The following CNTN5 variants were observed in gnomAD, a reference collection of about 807,000 sequenced individuals.
CNTN5 encodes the protein contactin-5.
A neutral mutation model predicts 129.1 loss-of-function variants in CNTN5; 77 were observed. The ratio of observed to expected loss-of-function variants is 0.60; its 90% CI spans 0.50 to 0.72. CNTN5 has a LOEUF of 0.72. Among genes scored for constraint, CNTN5 ranks in the 30% least tolerant of loss-of-function variants. CNTN5 has a pLI of 0.00. For synonymous variants in CNTN5, 509 were observed against 465.6 expected, an observed-to-expected ratio of 1.09 and a Z score of -1.20; for missense variants, 1,478 against 1,328.8, an observed-to-expected ratio of 1.11 and a Z score of -1.75.
At chr11:99,502,760 A>G (rs1946474332) in intron 2 of CNTN5, among the ~76,000 whole-genome samples, 1 of 152,158 alleles carries the variant, frequency 6.6e-6, no homozygotes, top group Non-Finnish European at 1.5e-5. Flanking sequence ...CTTCTAAACC[A>G]TACACCCTCC....
At chr11:99,409,752 A>G (rs115675246) in intron 2 of CNTN5, among the ~76,000 whole-genome samples, 1 of 152,332 alleles carries the variant, frequency 6.6e-6, no homozygotes, top group African/African-American at 2.4e-5. Context: ...GCAGCCATCA[A>G]GTGTGGGTTG....
intron 3 of CNTN5, among the ~76,000 whole-genome samples, chr11:99,779,505 G>A (rs1374710946): frequency 6.6e-6 from 1 of 151,904 alleles, no homozygotes; most frequent in East Asian, 2.0e-4. Flanking sequence ...CAGAAGACTG[G>A]TAAATTTCCA....
intron 18 of CNTN5, among the ~76,000 whole-genome samples, chr11:100,288,160 G>C (rs1466949332): frequency 6.6e-6 from 1 of 152,100 alleles, no homozygotes; most frequent in Non-Finnish European, 1.5e-5. Flanking sequence ...TTAATAATGG[G>C]AGACTTTAAC....
intron 8 of CNTN5, among the ~76,000 whole-genome samples, chr11:99,989,386 T>C (rs1263588996): frequency 6.6e-6 from 1 of 152,168 alleles, no homozygotes; most frequent in Non-Finnish European, 1.5e-5. Flanking sequence ...ATTTGTTGAA[T>C]ATTTGATTTG....
Position 99,718,345 on chromosome 11 carries a change from T to A in CNTN5, c.56-101199T>A, listed in dbSNP as rs577117930. Among the ~76,000 whole-genome samples, 34 of 152,264 alleles carry A rather than the reference T, an allele frequency of 2.2e-4. 1 individual carries two copies. Among genetic ancestry groups the A allele is most frequent in the Admixed American group, 1.8e-3 (28 of 15,292 alleles). On this transcript the variant is annotated intron_variant, in intron 3 of 24. Transcript: ENST00000524871. Reference sequence around the variant, plus strand: ...TGACTAACTTGTTCATAATATATATTGTTATCCTACAAATTTGTCTTAGCA... The same window carrying A: ...TGACTAACTTGTTCATAATATATATAGTTATCCTACAAATTTGTCTTAGCA...
chr11:99,657,015 C>A (rs768090772), intron 3 of CNTN5, among the ~76,000 whole-genome samples: 20 of 147,442 alleles, frequency 1.4e-4, no homozygotes, highest in South Asian at 4.3e-4. Flanking sequence ...GAAAAAATGT[C>A]AAAGTTCAAA....
intron 3 of CNTN5, among the ~76,000 whole-genome samples, chr11:99,735,003 G>A (rs563993803): frequency 3.6e-5 from 5 of 140,162 alleles, no homozygotes; most frequent in African/African-American, 8.3e-5. Flanking sequence ...GCGAGACTCC[G>A]TCTCAAAACA....
At chr11:99,547,215 G>C (rs1948328059) in intron 2 of CNTN5, among the ~76,000 whole-genome samples, 1 of 152,014 alleles carries the variant, frequency 6.6e-6, no homozygotes, top group African/African-American at 2.4e-5. Context: ...ATGTCGGTCA[G>C]GCTAGTCCCG....
chr11:99,993,511 T>G (rs1204917309), intron 8 of CNTN5, among the ~76,000 whole-genome samples: 1 of 152,172 alleles, frequency 6.6e-6, no homozygotes, highest in Non-Finnish European at 1.5e-5. Context: ...ATGAAACTTT[T>G]CCACCTCAGA....
chr11:100,333,772 C>T (rs1951963146), intron 21 of CNTN5, among the ~76,000 whole-genome samples: 1 of 152,072 alleles, frequency 6.6e-6, no homozygotes, highest in Non-Finnish European at 1.5e-5. Context: ...TCACCTTATA[C>T]AAAAATCAAC....
Position 99,933,270 on chromosome 11 carries a change from A to C in CNTN5, c.673+17121A>C, listed in dbSNP as rs1438569782. Among the ~76,000 whole-genome samples, 6 of 152,210 alleles carry C rather than the reference A, an allele frequency of 3.9e-5. No homozygotes were observed. In the East Asian group the frequency reaches 1.2e-3, roughly 29 times the overall value. ...ATTTCAATTAATGTTCTCAGTTGGC[A>C]AATTAATATTTGAGTCAACCCTTTT... is the stretch of plus-strand genomic sequence containing the variant. On this transcript the variant is annotated intron_variant, in intron 7 of 24. Coordinates refer to ENST00000524871, the MANE Select transcript of CNTN5 (RefSeq NM_014361.4).
At chr11:99,826,143 GACTTTGGCTTTTTTTTGCA>G (rs1464077173) in intron 4 of CNTN5, among the ~76,000 whole-genome samples, 1 of 151,858 alleles carries the variant, frequency 6.6e-6, no homozygotes, top group Non-Finnish European at 1.5e-5. Flanking sequence ...TCCTATTATT[GACTTTGGCTTTTTTTTGCA>G]ATATAGAATT....
At chr11:100,277,312 T>C (rs958678056) in intron 18 of CNTN5, among the ~76,000 whole-genome samples, 1 of 152,174 alleles carries the variant, frequency 6.6e-6, no homozygotes, top group African/African-American at 2.4e-5. Context: ...TTCAATAAAC[T>C]AATTTCCTTT....
intron 1 of CNTN5, among the ~76,000 whole-genome samples, chr11:99,043,086 G>A (rs1362936564): frequency 2.0e-5 from 3 of 152,060 alleles, no homozygotes; most frequent in African/African-American, 4.8e-5. Context: ...GTAAATATTA[G>A]GAAAGGAGTT....
chr11:99,403,067 C>T (rs1266606000), intron 2 of CNTN5, among the ~76,000 whole-genome samples: 9 of 146,946 alleles, frequency 6.1e-5, no homozygotes, highest in East Asian at 4.0e-4. Context: ...AGTGCAGTGG[C>T]GGGATTCCAG....
chr11:99,128,128 G>C lies in CNTN5; in HGVS notation c.-210+106858G>C, dbSNP rs112682372. On this transcript the variant is annotated intron_variant, in intron 1 of 24. Coordinates refer to ENST00000524871, the MANE Select transcript of CNTN5 (RefSeq NM_014361.4). The stretch of plus-strand genomic sequence containing the variant: ...ATGGAAAAGGGACTGAAGCCAGAGA[G>C]CCAAACATCCTCACTCAGAGGGTCC... 8.6e-3 allele frequency among the ~76,000 whole-genome samples: 1,308 copies of C among 152,250 alleles called. 24 individuals carry two copies. Among genetic ancestry groups the C allele is most frequent in the African/African-American group, 0.029 (1,213 of 41,542 alleles).
chr11:99,194,506 A>G (rs942070565), intron 1 of CNTN5, among the ~76,000 whole-genome samples: 2 of 152,210 alleles, frequency 1.3e-5, no homozygotes, highest in Non-Finnish European at 2.9e-5. Flanking sequence ...TAATATAATA[A>G]TTTGATTATG....
At chr11:100,151,362 A>C (rs886223071) in intron 13 of CNTN5, among the ~76,000 whole-genome samples, 4 of 152,090 alleles carry the variant, frequency 2.6e-5, no homozygotes, top group African/African-American at 7.2e-5. Flanking sequence ...AGAGACAAAA[A>C]TCTTCATTGA....
intron 3 of CNTN5, among the ~76,000 whole-genome samples, chr11:99,720,865 C>T (rs1943148985): frequency 6.6e-6 from 1 of 152,010 alleles, no homozygotes; most frequent in Admixed American, 6.6e-5. Flanking sequence ...AAAAGGCAAA[C>T]CAAAGGGCAT....
Sources: allele counts gnomAD v4.1 joint callset (sites outside exome capture counted in the v4.1 genomes callset), GRCh38; gene constraint gnomAD v4.1.1; transcripts MANE v1.5; gene names NCBI Gene and HGNC (gene_info 2026-07-23, HGNC 2026-07-21).